Variants in TNFRSF13B observed in about 807,000 individuals in gnomAD.
TNFRSF13B encodes tumor necrosis factor receptor superfamily member 13B.
In TNFRSF13B, 34 loss-of-function variants were observed where a neutral mutation model predicts 24.0. The observed-to-expected ratio is 1.41, with a 90% CI of 1.08 to 1.88. The LOEUF (loss-of-function observed/expected upper bound fraction) is 1.88. Among genes scored for constraint, TNFRSF13B ranks in the 40% most tolerant of loss-of-function variants. TNFRSF13B has a pLI of 0.00. For missense variants in TNFRSF13B, 415 were observed against 380.8 expected (o/e 1.09, Z -0.75); for synonymous variants, 173 against 150.3 (o/e 1.15, Z -1.10).
chr17:16,965,480 G>T (rs1219302223), intron 1 of TNFRSF13B, among the ~76,000 whole-genome samples: 1 of 152,234 alleles, frequency 6.6e-6, no homozygotes, highest in Non-Finnish European at 1.5e-5. Context: ...CACAGCAGGT[G>T]CTGGATAAAT....
At chr17:16,960,374 CAGG>C (rs1486767363) in intron 1 of TNFRSF13B, among the ~76,000 whole-genome samples, 1 of 152,178 alleles carries the variant, frequency 6.6e-6, no homozygotes, top group East Asian at 1.9e-4. Flanking sequence ...AACATAGCAC[CAGG>C]AGAACTAGCC....
intron 4 of TNFRSF13B, 189 bp from the exon 5 acceptor site, chr17:16,939,986 G>A (rs573237702): frequency 2.5e-5 from 25 of 990,340 alleles, no homozygotes; most frequent in African/African-American, 2.3e-4. Flanking sequence ...GGGTGGGCAG[G>A]CAATTCTTGG....
chr17:16,947,091 T>C (rs757412122), intron 3 of TNFRSF13B, among the ~76,000 whole-genome samples: 5 of 151,596 alleles, frequency 3.3e-5, no homozygotes, highest in Non-Finnish European at 7.4e-5. Context: ...TCAAGGAGGG[T>C]CTCCTTTAAC....
intron 1 of TNFRSF13B, among the ~76,000 whole-genome samples, chr17:16,969,912 C>T (rs2087731898): frequency 6.6e-6 from 1 of 152,166 alleles, no homozygotes; most frequent in South Asian, 2.1e-4. Flanking sequence ...GAGAAAGCCA[C>T]CACCCGCCGC....
At chr17:16,968,226 A>G (rs1343296109) in intron 1 of TNFRSF13B, among the ~76,000 whole-genome samples, 3 of 152,108 alleles carry the variant, frequency 2.0e-5, no homozygotes, top group Non-Finnish European at 4.4e-5. Flanking sequence ...GAAATTAAGG[A>G]TTTAAATAAA....
In TNFRSF13B at chr17:16,963,802, G is replaced by A. The variant is rs1300636833; in HGVS notation, c.61+8213C>T. Reference sequence around the variant, plus strand: ...CCTGACCTCCTGATCCACCCGCCTCGGCCTCCCAAAGTGCTGGGATTACAG... The same window carrying A: ...CCTGACCTCCTGATCCACCCGCCTCAGCCTCCCAAAGTGCTGGGATTACAG... On this transcript the variant is annotated intron_variant, in intron 1 of 4. Transcript: ENST00000261652. Among the ~76,000 whole-genome samples the A allele has an allele frequency of 3.3e-5, 5 of 152,194 alleles. No individual in the cohort carries two copies. The South Asian group carries it at 1.0e-3, about 32-fold the overall frequency.
Position 16,939,406 on chromosome 17 carries a change from CCTCT to C in TNFRSF13B, c.*137_*140del, listed in dbSNP as rs1450689225. On this transcript the variant is annotated 3_prime_UTR_variant, in exon 5 of 5. Transcript: ENST00000261652. The stretch of plus-strand genomic sequence containing the variant: ...CTCTCTCTCCCTCTGTCTCTCTCTC[CCTCT>C]CTGTCTCCTCTGTTTCTCTCCCTCT... 6 of 1,016,430 alleles carry C rather than the reference CCTCT, an allele frequency of 5.9e-6. No homozygotes were observed. The highest frequency in any genetic ancestry group is 5.4e-5 in the Admixed American group (2 of 36,774). 63.0% of individuals were successfully genotyped at this position (1,016,430 alleles called of 1,614,324 possible). A position where few individuals can be genotyped will look rare whatever the true frequency, so the allele number is the denominator to read the frequency against.
chr17:16,939,844 T>C (rs1183528631), intron 4 of TNFRSF13B, 47 bp from the exon 5 acceptor site: 3 of 1,590,362 alleles, frequency 1.9e-6, no homozygotes, highest in African/African-American at 2.7e-5. Context: ...GGCCCTGCAC[T>C]AGGGTAGGGG....
At chr17:16,952,315 A>G (rs2087594212) in intron 2 of TNFRSF13B, 131 bp downstream of exon 2, 1 of 1,315,954 alleles carries the variant, frequency 7.6e-7, no homozygotes. Context: ...TGGAGGGGTA[A>G]GAGGTGCCAC....
intron 1 of TNFRSF13B, among the ~76,000 whole-genome samples, chr17:16,955,509 A>G (rs1232440816): frequency 1.3e-5 from 2 of 152,248 alleles, no homozygotes; most frequent in African/African-American, 4.8e-5. Context: ...TGTCTAGAAA[A>G]TAAGAGACAA....
At chr17:16,961,010 A>G (rs2087658770) in intron 1 of TNFRSF13B, among the ~76,000 whole-genome samples, 1 of 152,272 alleles carries the variant, frequency 6.6e-6, no homozygotes, top group African/African-American at 2.4e-5. Flanking sequence ...GATGCTCAAC[A>G]TCATTAGTCA....
At chr17:16,965,135 G>T (rs1423446266) in intron 1 of TNFRSF13B, among the ~76,000 whole-genome samples, 1 of 151,568 alleles carries the variant, frequency 6.6e-6, no homozygotes, top group East Asian at 1.9e-4. Context: ...GTAGAGACAG[G>T]GTCTTGCTCT....
intron 1 of TNFRSF13B, among the ~76,000 whole-genome samples, chr17:16,959,483 G>A (rs2143674283): frequency 6.6e-6 from 1 of 151,662 alleles, no homozygotes; most frequent in South Asian, 2.1e-4. Context: ...ATGAATACTA[G>A]AGCAGAGATC....
At chr17:16,951,365 A>G (rs1325207303) in intron 2 of TNFRSF13B, among the ~76,000 whole-genome samples, 1 of 152,258 alleles carries the variant, frequency 6.6e-6, no homozygotes, top group Non-Finnish European at 1.5e-5. Flanking sequence ...TGAAAGAACA[A>G]AACAGCAAAT....
At chr17:16,951,166 G>A (rs74892229) in intron 2 of TNFRSF13B, among the ~76,000 whole-genome samples, 19,029 of 152,174 alleles carry the variant, frequency 0.13, 1,365 homozygotes, top group East Asian at 0.4. Flanking sequence ...CCAGGATGTC[G>A]CTGTGACATC....
At chr17:16,946,776 T>TG in intron 3 of TNFRSF13B, among the ~76,000 whole-genome samples, 1 of 152,068 alleles carries the variant, frequency 6.6e-6, no homozygotes, top group Middle Eastern at 3.4e-3. Context: ...TTGGTAGAGA[T>TG]GGGGTTTCCC....
intron 1 of TNFRSF13B, among the ~76,000 whole-genome samples, chr17:16,956,723 A>T (rs1881478121): frequency 6.6e-6 from 1 of 152,262 alleles, no homozygotes; most frequent in Admixed American, 6.5e-5. Context: ...GACATGCAGT[A>T]ACCTCAAATG....
intron 1 of TNFRSF13B, 93 bp downstream of exon 1, chr17:16,971,922 G>A: frequency 1.5e-6 from 2 of 1,300,716 alleles, no homozygotes; most frequent in South Asian, 1.2e-5. Flanking sequence ...TGTGGGCTTT[G>A]CACCTGCTGG....
intron 1 of TNFRSF13B, among the ~76,000 whole-genome samples, chr17:16,954,567 G>T (rs2087612436): frequency 6.6e-6 from 1 of 152,228 alleles, no homozygotes; most frequent in South Asian, 2.1e-4. Flanking sequence ...CATTCTGGGA[G>T]ATGGAGGAAC....
Sources: gnomAD v4.1 joint callset for allele counts (sites outside exome capture counted in the v4.1 genomes callset) on GRCh38, gnomAD v4.1.1 for gene constraint, MANE v1.5 for transcripts, NCBI Gene and HGNC (gene_info 2026-07-23, HGNC 2026-07-21) for gene names.